VRK2: variants seen among roughly 807,000 people sequenced by gnomAD.
VRK2 encodes the protein VRK serine/threonine kinase 2, also known as serine/threonine-protein kinase VRK2.
In VRK2, 60 loss-of-function variants were observed where a neutral mutation model predicts 57.6. The ratio of observed to expected loss-of-function variants is 1.04; its 90% confidence interval spans 0.85 to 1.29. VRK2 has a LOEUF of 1.29. Ranked by LOEUF, VRK2 falls within the 50% of genes most tolerant of loss-of-function variation. The pLI is 0.00. For synonymous variants in VRK2, 231 were observed against 199.2 expected (o/e 1.16, Z -1.35); for missense variants, 705 against 588.1 (o/e 1.20, Z -2.06).
At chr2:58,153,284 T>C (rs1031276396) in intron 12 of VRK2, among the ~76,000 whole-genome samples, 2 of 152,074 alleles carry the variant, frequency 1.3e-5, no homozygotes, top group Non-Finnish European at 2.9e-5. Flanking sequence ...GGATATACCA[T>C]TGAAGAACAT....
intron 7 of VRK2, among the ~76,000 whole-genome samples, chr2:58,099,658 G>T (rs750664944): frequency 6.6e-6 from 1 of 152,024 alleles, no homozygotes; most frequent in Admixed American, 6.6e-5. Flanking sequence ...GCCCTCACAG[G>T]TAGAGAATAA....
chr2:58,076,780 G>C (rs1308385720), intron 2 of VRK2, among the ~76,000 whole-genome samples: 2 of 151,338 alleles, frequency 1.3e-5, no homozygotes, highest in East Asian at 1.9e-4. Context: ...TAAGAGGATT[G>C]TTACCTTTTT....
In VRK2 at chr2:58,115,426, A is replaced by G. The variant is rs201812112; in HGVS notation, c.544-7675A>G. The stretch of plus-strand genomic sequence containing the variant: ...AGGAAGAAAATAGATTTTGGAAGTT[A>G]CGAGAAATGTAGAGAGTGAGTTGAG... On this transcript the variant is annotated intron_variant, in intron 7 of 12. Transcript: ENST00000340157. Among the ~76,000 whole-genome samples, 1,174 of 152,240 alleles carry G rather than the reference A, an allele frequency of 7.7e-3. 20 individuals carry two copies. The highest frequency in any genetic ancestry group is 0.057 in the East Asian group (293 of 5,168).
At chr2:58,074,140 ATCTT>A (rs1669752017) in intron 2 of VRK2, among the ~76,000 whole-genome samples, 1 of 152,078 alleles carries the variant, frequency 6.6e-6, no homozygotes, top group Non-Finnish European at 1.5e-5. Flanking sequence ...AGCATGATAG[ATCTT>A]TCTTTGTCCC....
intron 2 of VRK2, among the ~76,000 whole-genome samples, chr2:58,075,644 A>G (rs539988103): frequency 3.9e-5 from 6 of 151,996 alleles, no homozygotes; most frequent in Middle Eastern, 3.2e-3. Context: ...GTATAAACCT[A>G]TTTTTTTGGT....
intron 3 of VRK2, among the ~76,000 whole-genome samples, chr2:58,036,740 T>C (rs1361827862): frequency 6.6e-6 from 1 of 151,968 alleles, no homozygotes; most frequent in Non-Finnish European, 1.5e-5. Context: ...AAGTAGTTAG[T>C]GTCAGCCTCC....
At chr2:58,068,119 G>T (rs1668877340) in intron 2 of VRK2, among the ~76,000 whole-genome samples, 1 of 151,908 alleles carries the variant, frequency 6.6e-6, no homozygotes, top group African/African-American at 2.4e-5. Context: ...TAGTAGAGAT[G>T]AGGTTTCACC....
At chr2:57,995,231 T>C (rs1672888740) in intron 1 of VRK2, among the ~76,000 whole-genome samples, 1 of 152,196 alleles carries the variant, frequency 6.6e-6, no homozygotes, top group South Asian at 2.1e-4. Flanking sequence ...CTATGATTTA[T>C]ATCATCATGC....
intron 1 of VRK2, among the ~76,000 whole-genome samples, chr2:57,952,862 G>A (rs531331546): frequency 2.0e-5 from 3 of 152,112 alleles, no homozygotes; most frequent in South Asian, 4.2e-4. Context: ...AGTCTGCCAT[G>A]GATTTGACTG....
intron 7 of VRK2, among the ~76,000 whole-genome samples, chr2:58,112,482 T>A (rs927824406): frequency 6.6e-6 from 1 of 152,082 alleles, no homozygotes; most frequent in Non-Finnish European, 1.5e-5. Context: ...GAACTCTCAG[T>A]GTGACCTAAT....
chr2:58,143,997 A>T (rs1224349439), intron 11 of VRK2, among the ~76,000 whole-genome samples: 7 of 151,542 alleles, frequency 4.6e-5, no homozygotes, highest in African/African-American at 1.7e-4. Context: ...ATATATACAC[A>T]TACATATATA....
chr2:57,975,542 T>C (rs1267440066), intron 1 of VRK2, among the ~76,000 whole-genome samples: 1 of 152,084 alleles, frequency 6.6e-6, no homozygotes, highest in East Asian at 1.9e-4. Context: ...TGCATGTTTG[T>C]TACAAGGGGA....
intron 2 of VRK2, among the ~76,000 whole-genome samples, chr2:58,031,412 G>A (rs568475024): frequency 6.6e-6 from 1 of 151,990 alleles, no homozygotes; most frequent in South Asian, 2.1e-4. Context: ...ATATTTTTTA[G>A]TGGTAAGAAG....
At chr2:58,074,809 T>A (rs2104023304) in intron 2 of VRK2, among the ~76,000 whole-genome samples, 1 of 152,262 alleles carries the variant, frequency 6.6e-6, no homozygotes, top group Middle Eastern at 3.4e-3. Context: ...AAGGTGGGTC[T>A]ACTGTTGATG....
At chr2:58,088,242 T>G in intron 5 of VRK2, 99 bp from the exon 6 acceptor site, 5 of 797,092 alleles carry the variant, frequency 6.3e-6, no homozygotes, top group Non-Finnish European at 1.1e-5. Flanking sequence ...TTATACTTAG[T>G]TGTTAGGTTG....
intron 2 of VRK2, among the ~76,000 whole-genome samples, chr2:58,051,282 C>T (rs1307321431): frequency 1.3e-5 from 2 of 152,074 alleles, no homozygotes; most frequent in Admixed American, 6.5e-5. Flanking sequence ...AAGTACACAC[C>T]ACTGAGGAAG....
Position 58,131,798 on chromosome 2 carries a change from A to T in VRK2, c.677-10A>T, listed in dbSNP as rs1447823557. On this transcript the variant is annotated splice_polypyrimidine_tract_variant and intron_variant, in intron 8 of 12. Coordinates refer to ENST00000340157, the MANE Select transcript of VRK2 (RefSeq NM_006296.7). ...TCCCTTATCTTTCTCTCTAATGCTT[A>T]CTCCTATAGCCTTGTCCAGACGAAG... The T allele has an allele frequency of 1.3e-6, 2 of 1,596,228 alleles. No individual in the cohort carries two copies. The highest frequency in any genetic ancestry group is 4.5e-5 in the East Asian group (2 of 44,608).
chr2:58,125,075 G>A (rs1359413908), intron 8 of VRK2, among the ~76,000 whole-genome samples: 1 of 152,018 alleles, frequency 6.6e-6, no homozygotes, highest in Non-Finnish European at 1.5e-5. Flanking sequence ...TTTGATAATG[G>A]TATAACTGGA....
At chr2:57,980,767 C>T (rs933111099) in intron 1 of VRK2, among the ~76,000 whole-genome samples, 2 of 152,112 alleles carry the variant, frequency 1.3e-5, no homozygotes, top group African/African-American at 4.8e-5. Flanking sequence ...TTAATTGAAC[C>T]CTTTATCAAT....
Sources: gnomAD v4.1 joint callset for allele counts (sites outside exome capture counted in the v4.1 genomes callset) on GRCh38, gnomAD v4.1.1 for gene constraint, MANE v1.5 for transcripts, NCBI Gene and HGNC (gene_info 2026-07-23, HGNC 2026-07-21) for gene names.